ZNF254: variants seen among roughly 807,000 people sequenced by gnomAD.
ZNF254 encodes zinc finger protein 254.
ZNF254 carries 10 observed loss-of-function variants against 12.4 expected under a neutral mutation model. The observed-to-expected ratio is 0.80, with a 90% confidence interval of 0.50 to 1.36. The LOEUF (loss-of-function observed/expected upper bound fraction) is 1.36, where lower values mean the gene tolerates loss of function less well. Among genes scored for constraint, ZNF254 ranks in the 40% most tolerant of loss-of-function variants. The pLI, the probability that ZNF254 is intolerant of heterozygous loss-of-function variation, is 0.00. For synonymous variants in ZNF254, 305 were observed against 253.4 expected (o/e 1.20, Z -1.93); for missense variants, 996 against 763.9 (o/e 1.30, Z -3.58).
intron 3 of ZNF254, among the ~76,000 whole-genome samples, chr19:24,112,915 A>T (rs888641048): frequency 2.6e-5 from 4 of 152,234 alleles, no homozygotes; most frequent in Admixed American, 6.5e-5. Context: ...CTATGCAAAT[A>T]AACTAGAAAA....
Position 24,129,117 on chromosome 19 carries a change from CTT to C in ZNF254, c.*1139_*1140del, listed in dbSNP as rs2146044915. 1 of 151,876 alleles carries C rather than the reference CTT, an allele frequency of 6.6e-6. No individual in the cohort carries two copies. Among genetic ancestry groups the C allele is most frequent in the South Asian group, 2.1e-4 (1 of 4,816 alleles). The allele number at this position is 151,876 out of a possible 1,614,324, so 9.4% of individuals were successfully genotyped here. On this transcript the variant is annotated 3_prime_UTR_variant, in exon 4 of 4. Coordinates refer to ENST00000357002, the MANE Select transcript of ZNF254 (RefSeq NM_203282.4). ...TGAGGAAAATTTAGGTAGAGAGGCTCTTTGTGGTTAACTTATAATATTGAGTG... is the reference window on the plus strand; with the variant it reads ...TGAGGAAAATTTAGGTAGAGAGGCTCTGTGGTTAACTTATAATATTGAGTG...
Position 24,090,176 on chromosome 19 carries a change from C to T in ZNF254, c.30+2839C>T, listed in dbSNP as rs568128141. On this transcript the variant is annotated intron_variant, in intron 1 of 3. Coordinates refer to ENST00000357002, the MANE Select transcript of ZNF254 (RefSeq NM_203282.4). ...TCACGCCACTGCACTCCAGCCTGGGCGACAGAGTGAGACTCCATTTCAAAA... is the reference window on the plus strand; with the variant it reads ...TCACGCCACTGCACTCCAGCCTGGGTGACAGAGTGAGACTCCATTTCAAAA... 4.7e-4 allele frequency among the ~76,000 whole-genome samples: 72 copies of T among 151,990 alleles called. No homozygotes were observed. In the Middle Eastern group the frequency reaches 0.01, roughly 22 times the overall value.
chr19:24,052,905 T>C (rs1970701899), intron 2 of ZNF254, among the ~76,000 whole-genome samples: 2 of 152,340 alleles, frequency 1.3e-5, no homozygotes, highest in African/African-American at 4.8e-5. Context: ...AGTAATGTCT[T>C]GGGTTTCTTC....
At chr19:24,075,662 G>A (rs147110481) in intron 2 of ZNF254, among the ~76,000 whole-genome samples, 3 of 152,136 alleles carry the variant, frequency 2.0e-5, no homozygotes, top group South Asian at 2.1e-4. Context: ...TCCATGTCCC[G>A]CTGTGCATGC....
intron 3 of ZNF254, among the ~76,000 whole-genome samples, chr19:24,116,451 T>C (rs985344524): frequency 6.6e-6 from 1 of 152,154 alleles, no homozygotes; most frequent in African/African-American, 2.4e-5. Flanking sequence ...TCATTTCATC[T>C]TCTGTCACTG....
chr19:24,106,461 C>G, intron 2 of ZNF254, 87 bp from the exon 3 acceptor site: 1 of 1,028,454 alleles, frequency 9.7e-7, no homozygotes, highest in East Asian at 3.2e-5. Context: ...TTAGCATATT[C>G]TATTATATCC....
chr19:24,076,627 A>G (rs1157700685), intron 2 of ZNF254, among the ~76,000 whole-genome samples: 2 of 152,168 alleles, frequency 1.3e-5, no homozygotes, highest in Non-Finnish European at 2.9e-5. Flanking sequence ...GATCCATTGT[A>G]AAATTATGAA....
chr19:24,122,427 C>G (rs1599762036), intron 3 of ZNF254, among the ~76,000 whole-genome samples: 1 of 151,912 alleles, frequency 6.6e-6, no homozygotes, highest in Non-Finnish European at 1.5e-5. Flanking sequence ...GTTTCACCAT[C>G]TTGGCCAGGC....
chr19:24,067,815 G>A (rs544503294), intron 2 of ZNF254, among the ~76,000 whole-genome samples: 15 of 152,118 alleles, frequency 9.9e-5, no homozygotes, highest in East Asian at 1.9e-4. Context: ...GCATTGTGAC[G>A]TGTAGCTGGG....
intron 2 of ZNF254, among the ~76,000 whole-genome samples, chr19:24,057,028 T>A (rs1038984438): frequency 2.0e-5 from 3 of 152,190 alleles, no homozygotes; most frequent in African/African-American, 7.2e-5. Context: ...ATAGGAGACA[T>A]ACTATCTCTC....
rs768201157 is a variant in ZNF254 at position 24,106,595 on chromosome 19, A to T, written c.205A>T (p.Lys69Ter). 6.9e-6 allele frequency: 11 copies of T among 1,585,392 alleles called. No homozygotes were observed. Among genetic ancestry groups the T allele is most frequent in the Admixed American group, 1.7e-5 (1 of 59,086 alleles). Residue 69 changes from lysine (K) to a stop codon, truncating the protein, a stop_gained, in exon 3 of 4, where the codon AAA (lysine) becomes TAA (stop). Transcript: ENST00000357002. LOFTEE classifies it low-confidence loss of function (END_TRUNC). ...CCTGATCACCTGTCTGGAACAAGGG[A>T]AAGAGCCCTGGAATATGAAGCGACA... Reference protein sequence around the residue: ...PDLITCLEQGKEPWNMKRHEM... With the variant: ...PDLITCLEQG
intron 1 of ZNF254, among the ~76,000 whole-genome samples, chr19:24,097,655 C>G (rs1176184248): frequency 6.6e-6 from 1 of 151,902 alleles, no homozygotes; most frequent in Non-Finnish European, 1.5e-5. Flanking sequence ...GTGGTGCATG[C>G]CTGTAATCCC....
At chr19:24,109,421 C>G (rs1184352431) in intron 3 of ZNF254, among the ~76,000 whole-genome samples, 3 of 152,054 alleles carry the variant, frequency 2.0e-5, no homozygotes, top group African/African-American at 7.2e-5. Flanking sequence ...ACATTTCTTT[C>G]ATTATTATCT....
intron 1 of ZNF254, among the ~76,000 whole-genome samples, chr19:24,089,320 G>A (rs889508944): frequency 6.6e-5 from 10 of 152,144 alleles, no homozygotes; most frequent in Admixed American, 4.6e-4. Context: ...CATTTAAAAA[G>A]GTTTGTTTTC....
intron 1 of ZNF254, among the ~76,000 whole-genome samples, chr19:24,044,537 C>CAAAA (rs767180895): frequency 1.7e-5 from 2 of 116,414 alleles, no homozygotes; most frequent in East Asian, 5.0e-4. Context: ...GACTCAGTCT[C>CAAAA]AAAAAAAAAA....
intron 3 of ZNF254, among the ~76,000 whole-genome samples, chr19:24,108,715 C>T (rs983047309): frequency 8.5e-5 from 13 of 152,236 alleles, no homozygotes; most frequent in Admixed American, 4.6e-4. Context: ...AATTTTTTAT[C>T]TTATTAATGC....
At chr19:24,050,468 C>T (rs539075737) in intron 2 of ZNF254, among the ~76,000 whole-genome samples, 33 of 152,292 alleles carry the variant, frequency 2.2e-4, no homozygotes, top group African/African-American at 7.2e-4. Context: ...CACCCTTTGA[C>T]TATTTTATGT....
intron 2 of ZNF254, among the ~76,000 whole-genome samples, chr19:24,073,632 G>C (rs542280609): frequency 6.6e-6 from 1 of 152,200 alleles, no homozygotes; most frequent in East Asian, 1.9e-4. Context: ...GCCAAAAGCT[G>C]GAAAATTGAC....
At chr19:24,050,572 A>G (rs1219922071) in intron 2 of ZNF254, among the ~76,000 whole-genome samples, 1 of 152,212 alleles carries the variant, frequency 6.6e-6, no homozygotes, top group African/African-American at 2.4e-5. Flanking sequence ...CTTAGAAGAG[A>G]GAGTGACTTA....
Sources: allele counts gnomAD v4.1 joint callset (sites outside exome capture counted in the v4.1 genomes callset), GRCh38; gene constraint gnomAD v4.1.1; transcripts MANE v1.5; gene names NCBI Gene and HGNC (gene_info 2026-07-23, HGNC 2026-07-21).